R3HCC1: variants seen among roughly 807,000 people sequenced by gnomAD.
The protein encoded by R3HCC1 is R3H and coiled-coil domain-containing protein 1.
In R3HCC1, 32 loss-of-function variants were observed where a neutral mutation model predicts 40.0. The ratio of observed to expected loss-of-function variants is 0.80; its 90% CI spans 0.60 to 1.07. The LOEUF (loss-of-function observed/expected upper bound fraction) is 1.07. Ranked by LOEUF, R3HCC1 falls within the 50% of genes least tolerant of loss-of-function variation. The pLI is 0.00. For synonymous variants in R3HCC1, 237 were observed against 232.8 expected, an observed-to-expected ratio of 1.02 and a Z score of -0.17; for missense variants, 586 against 563.3, an observed-to-expected ratio of 1.04 and a Z score of -0.41.
chr8:23,289,288 T>A, intron 3 of R3HCC1, 135 bp downstream of exon 3: 5 of 997,380 alleles, frequency 5.0e-6, no homozygotes, highest in Non-Finnish European at 7.2e-6. Context: ...TAGCTGCAGC[T>A]GCTCAGCCAG....
rs1802862488 is a variant in R3HCC1, at chr8:23,291,371, A to T, written c.863A>T (p.Asn288Ile). Residue 288 changes from asparagine to isoleucine, a missense_variant, in exon 5 of 8, where the codon AAC becomes ATC. Physicochemically the swap from Asn to Ile is moderately radical, Grantham distance 149. Transcript: ENST00000265806. ...TCCGATCTCTCCTAGATCACAGACA[A>T]CCTGACGAAGAAGGAGATTCAGATA... 1.3e-6 allele frequency: 2 copies of T among 1,551,664 alleles called. No homozygotes were observed. The highest frequency in any genetic ancestry group is 3.9e-5 in the Admixed American group (2 of 50,982).
intron 3 of R3HCC1, among the ~76,000 whole-genome samples, chr8:23,289,354 C>T (rs1435492605): frequency 6.6e-6 from 1 of 152,212 alleles, no homozygotes; most frequent in Non-Finnish European, 1.5e-5. Context: ...ATTCACTTGG[C>T]AAAATCAGCT....
rs182966995 is a variant in R3HCC1, at chr8:23,296,149, C to T, written c.*52C>T. ...CTGCGTCCCGACGTAGCTGGCGCCC[C>T]CAACACCATAAGCCTTCACAGACGC... On this transcript the variant is annotated 3_prime_UTR_variant, in exon 8 of 8. Transcript: ENST00000265806. 4.7e-5 allele frequency: 72 copies of T among 1,521,820 alleles called. No individual in the cohort carries two copies. In the African/African-American group the frequency reaches 9.3e-4, roughly 20 times the overall value. The allele number at this position is 1,521,820 out of a possible 1,614,324, so 94.3% of individuals were successfully genotyped here. A position where few individuals can be genotyped will look rare whatever the true frequency, so the allele number is the denominator to read the frequency against.
intron 2 of R3HCC1, 112 bp downstream of exon 2, chr8:23,288,745 T>A: frequency 7.5e-7 from 1 of 1,329,552 alleles, no homozygotes; most frequent in Non-Finnish European, 1.0e-6. Flanking sequence ...GACCTTGGCC[T>A]TTAGTCTTTA....
At chr8:23,291,279 G>A in intron 4 of R3HCC1, 82 bp from the exon 5 acceptor site, 1 of 1,478,286 alleles carries the variant, frequency 6.8e-7, no homozygotes, top group East Asian at 2.5e-5. Flanking sequence ...CCTTCTCCCT[G>A]CAGAGCTCTC....
Position 23,295,989 on chromosome 8 carries a change from G to A in R3HCC1, c.1215G>A (p.Glu405=). The change falls in exon 8 of 8, where the codon GAG becomes GAA. Residue 405 remains glutamate (E), a synonymous_variant. Transcript: ENST00000265806. ...TAGAACTCCTGCGTCTGGTGAAGGA[G>A]AGGCCACAGACAAATGCGACTGTGG... 1 of 1,550,846 alleles carries A rather than the reference G, an allele frequency of 6.4e-7. No homozygotes were observed.
intron 3 of R3HCC1, among the ~76,000 whole-genome samples, chr8:23,289,419 G>A (rs1413231104): frequency 1.3e-5 from 2 of 152,164 alleles, no homozygotes; most frequent in African/African-American, 4.8e-5. Context: ...GGTGTGTGGC[G>A]GGGGGCCTCC....
chr8:23,293,531 G>A (rs3860837), intron 6 of R3HCC1, among the ~76,000 whole-genome samples, 158 bp downstream of exon 6: 80,612 of 151,842 alleles, frequency 0.53, 21,812 homozygotes, highest in East Asian at 0.81. Context: ...AGGGGGAGCT[G>A]AGCGGTCTCT....
chr8:23,288,968 G>C (rs1028836598), intron 2 of R3HCC1, 48 bp from the exon 3 acceptor site: 12 of 1,532,122 alleles, frequency 7.8e-6, no homozygotes, highest in Admixed American at 2.0e-5. Context: ...ACCTGGTAGG[G>C]GCCAGGCCCT....
Position 23,296,213 on chromosome 8 carries a change from G to T in R3HCC1, c.*116G>T. On this transcript the variant is annotated 3_prime_UTR_variant, in exon 8 of 8. Transcript: ENST00000265806. The stretch of plus-strand genomic sequence containing the variant: ...CACCACCCTCGAGCTTCACCATGGG[G>T]TGTGGTGGGCTTTAGTTTAGTCCCA... 1 of 1,243,722 alleles carries T rather than the reference G, an allele frequency of 8.0e-7. No homozygotes were observed. The highest frequency in any genetic ancestry group is 1.1e-6 in the Non-Finnish European group (1 of 925,732). The allele number at this position is 1,243,722 out of a possible 1,614,324, so 77.0% of individuals were successfully genotyped here.
chr8:23,296,145 GCCC>G lies in R3HCC1; in HGVS notation c.*51_*53del. 4 of 1,525,140 alleles carry G rather than the reference GCCC, an allele frequency of 2.6e-6. No individual in the cohort carries two copies. Among genetic ancestry groups the G allele is most frequent in the Non-Finnish European group, 3.5e-6 (4 of 1,133,886 alleles). The allele number at this position is 1,525,140 out of a possible 1,614,324, so 94.5% of individuals were successfully genotyped here. A position where few individuals can be genotyped will look rare whatever the true frequency, so the allele number is the denominator to read the frequency against. On this transcript the variant is annotated 3_prime_UTR_variant, in exon 8 of 8. Transcript: ENST00000265806. ...GGATCTGCGTCCCGACGTAGCTGGC[GCCC>G]CCAACACCATAAGCCTTCACAGACG...
chr8:23,288,173 C>T lies in R3HCC1; in HGVS notation c.-19+16C>T. The T allele has an allele frequency of 8.2e-7, 1 of 1,214,612 alleles. No homozygotes were observed. Among genetic ancestry groups the T allele is most frequent in the Non-Finnish European group, 1.0e-6 (1 of 959,058 alleles). The allele number at this position is 1,214,612 out of a possible 1,614,324, so 75.2% of individuals were successfully genotyped here. A position where few individuals can be genotyped will look rare whatever the true frequency, so the allele number is the denominator to read the frequency against. On this transcript the variant is annotated intron_variant, in intron 1 of 7. Transcript: ENST00000265806. ...AGAGGCCGCGGTGAGTGCAGCAGCA[C>T]TGGGGGGGTGGTCGTCCCGACCCCC... is the stretch of plus-strand genomic sequence containing the variant.
intron 4 of R3HCC1, 56 bp from the exon 5 acceptor site, chr8:23,291,304 TG>T: frequency 6.6e-7 from 1 of 1,520,508 alleles, no homozygotes. Flanking sequence ...CGTGGGCTAG[TG>T]GTTTGGGAGC....
intron 5 of R3HCC1, among the ~76,000 whole-genome samples, chr8:23,292,491 G>A (rs1278928611): frequency 1.3e-5 from 2 of 152,180 alleles, no homozygotes; most frequent in African/African-American, 2.4e-5. Flanking sequence ...GCAGGCGCCT[G>A]TAGTCCCAGC....
chr8:23,289,629 T>C (rs927896298), intron 3 of R3HCC1, among the ~76,000 whole-genome samples: 5 of 152,244 alleles, frequency 3.3e-5, no homozygotes, highest in Admixed American at 6.5e-5. Flanking sequence ...TAACTGAAGA[T>C]GGACTGATCT....
At chr8:23,295,572 G>A (rs952585115) in intron 7 of R3HCC1, 2 of 463,372 alleles carry the variant, frequency 4.3e-6, no homozygotes, top group Non-Finnish European at 8.5e-6. Context: ...GGGTGGTTAC[G>A]TAGCCAACAT....
chr8:23,295,837 C>G (rs1803000420), intron 7 of R3HCC1, 130 bp from the exon 8 acceptor site: 1 of 1,313,848 alleles, frequency 7.6e-7, no homozygotes, highest in Admixed American at 2.9e-5. Context: ...ACCACGGGCA[C>G]AGCTGGGCCG....
rs1303036928 is a variant in R3HCC1, at chr8:23,294,914, CGTGCGAGCATGTGTGTGT to C, written c.1192+56_1192+73del. ...TAGGGAGGCTGTGTGTGTGTGTGTGCGTGCGAGCATGTGTGTGTGTGCGTGTGTGTGTGTCTGGTTTGG... is the reference window on the plus strand; with the variant it reads ...TAGGGAGGCTGTGTGTGTGTGTGTGCGTGCGTGTGTGTGTGTCTGGTTTGG... On this transcript the variant is annotated intron_variant, in intron 7 of 7. Coordinates refer to ENST00000265806, the MANE Select transcript of R3HCC1 (RefSeq NM_001136108.3). 3.4e-6 allele frequency: 4 copies of C among 1,187,710 alleles called. No homozygotes were observed. The East Asian group carries it at 7.9e-5, about 24-fold the overall frequency. 73.6% of individuals were successfully genotyped at this position (1,187,710 alleles called of 1,614,324 possible).
chr8:23,293,951 C>G (rs1370778672), intron 6 of R3HCC1, among the ~76,000 whole-genome samples: 10 of 152,134 alleles, frequency 6.6e-5, no homozygotes, highest in Non-Finnish European at 7.4e-5. Flanking sequence ...CATTGCCCTG[C>G]CACACCACCG....
Sources: gnomAD v4.1 joint callset for allele counts (sites outside exome capture counted in the v4.1 genomes callset) on GRCh38, gnomAD v4.1.1 for gene constraint, MANE v1.5 for transcripts, NCBI Gene and HGNC (gene_info 2026-07-23, HGNC 2026-07-21) for gene names.